The following EFNA5 variants were observed in gnomAD, a reference collection of about 807,000 sequenced individuals.
EFNA5 encodes ephrin A5.
A neutral mutation model predicts 22.9 loss-of-function variants in EFNA5; 5 were observed. The ratio of observed to expected loss-of-function variants is 0.22; its 90% CI spans 0.11 to 0.46. The LOEUF (loss-of-function observed/expected upper bound fraction) is 0.46. Among genes scored for constraint, EFNA5 ranks in the 20% least tolerant of loss-of-function variants. EFNA5 has a pLI of 0.99. For missense variants in EFNA5, 237 were observed against 293.3 expected (o/e 0.81, Z 1.40); for synonymous variants, 113 against 112.2 (o/e 1.01, Z -0.04).
intron 1 of EFNA5, among the ~76,000 whole-genome samples, chr5:107,465,360 T>C (rs775242067): frequency 7.9e-5 from 12 of 152,210 alleles, no homozygotes; most frequent in Non-Finnish European, 1.5e-4. Flanking sequence ...GATCTTGTTC[T>C]GTCACAACTT....
rs372783940 is a variant in EFNA5, at chr5:107,587,668, C to A, written c.125+82821G>T. Among the ~76,000 whole-genome samples, 35 of 152,290 alleles carry A rather than the reference C, an allele frequency of 2.3e-4. No individual in the cohort carries two copies. In the South Asian group the frequency reaches 6.2e-3, roughly 27 times the overall value. On this transcript the variant is annotated intron_variant, in intron 1 of 4. Transcript: ENST00000333274. Reference sequence around the variant, plus strand: ...AATAGCTGGGACTACAGGTGCCCACCACCACGCCCAGCTAATTTTTTTGTA... The same window carrying A: ...AATAGCTGGGACTACAGGTGCCCACAACCACGCCCAGCTAATTTTTTTGTA...
intron 1 of EFNA5, among the ~76,000 whole-genome samples, chr5:107,609,786 C>T (rs1191425542): frequency 6.6e-6 from 1 of 152,202 alleles, no homozygotes; most frequent in African/African-American, 2.4e-5. Context: ...TAGCCCTCCT[C>T]CAGCCACCGT....
chr5:107,390,696 T>C (rs1410998307), intron 2 of EFNA5, among the ~76,000 whole-genome samples: 2 of 150,772 alleles, frequency 1.3e-5, no homozygotes, highest in Non-Finnish European at 3.0e-5. Context: ...ATAAATTATA[T>C]ACATAAATAT....
chr5:107,391,244 CT>C (rs1747788466), intron 2 of EFNA5, among the ~76,000 whole-genome samples: 1 of 152,192 alleles, frequency 6.6e-6, no homozygotes, highest in Admixed American at 6.5e-5. Flanking sequence ...AGATTTCAAA[CT>C]GTCCCTGCCC....
chr5:107,395,788 T>A (rs778643144), intron 2 of EFNA5, among the ~76,000 whole-genome samples: 1 of 152,198 alleles, frequency 6.6e-6, no homozygotes, highest in Non-Finnish European at 1.5e-5. Flanking sequence ...ACAAACCAGA[T>A]AGGCAGAATT....
At chr5:107,474,128 C>T (rs1350122301) in intron 1 of EFNA5, among the ~76,000 whole-genome samples, 1 of 152,064 alleles carries the variant, frequency 6.6e-6, no homozygotes, top group African/African-American at 2.4e-5. Flanking sequence ...ATTTAGAAAC[C>T]CAGAGATTTC....
chr5:107,545,841 T>G (rs1748134520), intron 1 of EFNA5, among the ~76,000 whole-genome samples: 1 of 152,202 alleles, frequency 6.6e-6, no homozygotes, highest in African/African-American at 2.4e-5. Context: ...GTTTTTTTCC[T>G]AATCGAAACA....
At chr5:107,387,126 G>C in intron 4 of EFNA5, 109 bp downstream of exon 4, 1 of 708,954 alleles carries the variant, frequency 1.4e-6, no homozygotes, top group Non-Finnish European at 2.3e-6. Flanking sequence ...AGCAAAAGCA[G>C]AACAACAACT....
intron 1 of EFNA5, among the ~76,000 whole-genome samples, chr5:107,572,729 T>G (rs1218974597): frequency 6.6e-6 from 1 of 152,222 alleles, no homozygotes; most frequent in Admixed American, 6.5e-5. Context: ...TCCATTGTTT[T>G]TTTACACATG....
intron 1 of EFNA5, among the ~76,000 whole-genome samples, chr5:107,598,921 T>G (rs1463099778): frequency 2.6e-5 from 4 of 152,190 alleles, no homozygotes; most frequent in Non-Finnish European, 5.9e-5. Context: ...CTTAATTCAC[T>G]GAGTTAAAGA....
intron 2 of EFNA5, among the ~76,000 whole-genome samples, chr5:107,408,889 T>G (rs1413867407): frequency 6.9e-6 from 1 of 145,276 alleles, no homozygotes; most frequent in Non-Finnish European, 1.5e-5. Context: ...GGCCTTACAC[T>G]TTAAAGAGTA....
chr5:107,615,050 G>T lies in EFNA5; in HGVS notation c.125+55439C>A, dbSNP rs571141604. Among the ~76,000 whole-genome samples, 13 of 152,038 alleles carry T rather than the reference G, an allele frequency of 8.6e-5. No individual in the cohort carries two copies. The South Asian group carries it at 2.5e-3, about 29-fold the overall frequency. The stretch of plus-strand genomic sequence containing the variant: ...ATGTTAACTGCCAAAAGAAAATTAG[G>T]TTATCTACTAGATTTTCATGCAAAA... On this transcript the variant is annotated intron_variant, in intron 1 of 4. Transcript: ENST00000333274.
rs987029187 is a variant in EFNA5 at position 107,637,518 on chromosome 5, CTG to C, written c.125+32969_125+32970del. Among the ~76,000 whole-genome samples, 90 of 143,464 alleles carry C rather than the reference CTG, an allele frequency of 6.3e-4. 1 individual carries two copies. The highest frequency in any genetic ancestry group is 7.2e-3 in the Middle Eastern group (2 of 276). The allele number at this position is 143,464 out of a possible 152,430, so 94.1% of individuals were successfully genotyped here. On this transcript the variant is annotated intron_variant, in intron 1 of 4. Transcript: ENST00000333274. ...GCACTGTGTGTGTGTGTGTGTGTGT[CTG>C]TGTGTGTGTGTGTGTGTGTGTGGGT... is the stretch of plus-strand genomic sequence containing the variant.
intron 1 of EFNA5, among the ~76,000 whole-genome samples, chr5:107,534,233 TA>T (rs1172991818): frequency 6.6e-6 from 1 of 152,196 alleles, no homozygotes; most frequent in Non-Finnish European, 1.5e-5. Flanking sequence ...ACTTTCACCG[TA>T]AATAGAGTTT....
chr5:107,559,223 C>A (rs1748485669), intron 1 of EFNA5, among the ~76,000 whole-genome samples: 1 of 152,210 alleles, frequency 6.6e-6, no homozygotes, highest in African/African-American at 2.4e-5. Context: ...ACCTTTGCAG[C>A]CCTGCTGGGT....
intron 1 of EFNA5, among the ~76,000 whole-genome samples, chr5:107,621,280 G>T (rs1231537292): frequency 6.6e-6 from 1 of 152,132 alleles, no homozygotes. Context: ...GCCCAGGGTT[G>T]GGAAGCCGGC....
intron 2 of EFNA5, among the ~76,000 whole-genome samples, chr5:107,401,040 A>AT (rs1241994579): frequency 1.3e-5 from 2 of 152,244 alleles, no homozygotes; most frequent in East Asian, 3.8e-4. Context: ...TCAATGATGC[A>AT]TTTTTAGGAG....
At chr5:107,626,512 C>T (rs1750144283) in intron 1 of EFNA5, among the ~76,000 whole-genome samples, 1 of 152,086 alleles carries the variant, frequency 6.6e-6, no homozygotes, top group South Asian at 2.1e-4. Flanking sequence ...AACTCCTGGC[C>T]TCCAGCAATC....
intron 2 of EFNA5, among the ~76,000 whole-genome samples, chr5:107,406,028 A>C (rs166173): frequency 1.0e-3 from 59 of 58,348 alleles, no homozygotes; most frequent in African/African-American, 2.8e-3. Context: ...AGAATGTATA[A>C]AAATACCTAT....
Sources: allele counts gnomAD v4.1 joint callset (sites outside exome capture counted in the v4.1 genomes callset), GRCh38; gene constraint gnomAD v4.1.1; transcripts MANE v1.5; gene names NCBI Gene and HGNC (gene_info 2026-07-23, HGNC 2026-07-21).